Variants in SH2D6 observed in about 807,000 individuals in gnomAD.
The protein encoded by SH2D6 is SH2 domain-containing protein 6.
In SH2D6, 31 loss-of-function variants were observed where a neutral mutation model predicts 30.2. The observed-to-expected ratio is 1.03, with a 90% confidence interval of 0.77 to 1.38. The LOEUF is 1.38. Among genes scored for constraint, SH2D6 ranks in the 40% most tolerant of loss-of-function variants. The probability of loss-of-function intolerance (pLI) is 0.00; values close to 1 mark genes in which losing one functional copy is unlikely to be tolerated. For synonymous variants in SH2D6, 93 were observed against 104.6 expected (o/e 0.89, Z 0.68); for missense variants, 240 against 266.8 (o/e 0.90, Z 0.70).
chr2:85,428,030 T>G (rs1688212629), intron 6 of SH2D6, among the ~76,000 whole-genome samples: 1 of 152,176 alleles, frequency 6.6e-6, no homozygotes, highest in Non-Finnish European at 1.5e-5. Context: ...GCCTTAGAAG[T>G]TCTCATGTCA....
intron 19 of SH2D6, 120 bp downstream of exon 19, chr2:85,434,617 TAAAAAA>T: frequency 2.0e-6 from 2 of 996,778 alleles, no homozygotes; most frequent in East Asian, 2.9e-5. Context: ...TGACTAGACT[TAAAAAA>T]AAAAAAAAAA....
At position 85,435,672 on chromosome 2, in the gene SH2D6, G is replaced by A. The variant is rs756632702; in HGVS notation, c.739G>A (p.Ala247Thr). The change falls in exon 22 of 24, where the codon GCC becomes ACC. Residue 247 changes from alanine (A) to threonine (T), a missense_variant. Physicochemically the swap from Ala to Thr is moderately conservative, Grantham distance 58. Coordinates refer to ENST00000469800, the MANE Select transcript of SH2D6 (RefSeq NM_001394463.1). ...GCTGGGGTCTCCTCCACAGGATGGG[G>A]CCTATACCGTGCGCCCCAGCTCAGG... ...SALLHLQKDG[A>T]YTVRPSSGPH... The A allele has an allele frequency of 6.2e-7, 1 of 1,607,510 alleles. No individual in the cohort carries two copies. Among genetic ancestry groups the A allele is most frequent in the Admixed American group, 1.7e-5 (1 of 59,376 alleles).
chr2:85,421,425 A>G (rs1687745771), intron 2 of SH2D6: 1 of 152,282 alleles, frequency 6.6e-6, no homozygotes, highest in Non-Finnish European at 1.5e-5. Flanking sequence ...AATGGGCAAG[A>G]CACGGGCCTT....
At position 85,419,641 on chromosome 2, in the gene SH2D6, C is replaced by T. The variant is rs1016655213; in HGVS notation, c.-577+397C>T. Among the ~76,000 whole-genome samples the T allele has an allele frequency of 2.0e-5, 3 of 152,348 alleles. No homozygotes were observed. The South Asian group carries it at 6.2e-4, about 32-fold the overall frequency. On this transcript the variant is annotated intron_variant, in intron 2 of 23. Transcript: ENST00000469800. ...TTTCTGTCTCCAACTCCATTTTCAG[C>T]TTTTACACTTCCTGATCTGGGCATA...
intron 23 of SH2D6, 38 bp from the exon 24 acceptor site, chr2:85,436,799 T>A: frequency 1.9e-6 from 1 of 531,018 alleles, no homozygotes; most frequent in Non-Finnish European, 3.4e-6. Context: ...CCCTCTCTGT[T>A]GCCTCTCCAA....
chr2:85,431,213 A>C lies in SH2D6; in HGVS notation c.254A>C (p.His85Pro), dbSNP rs1006551595. The change falls in exon 13 of 24, where the codon CAC becomes CCC. Residue 85 changes from histidine (H) to proline (P), a missense_variant. Physicochemically the swap from His to Pro is moderately conservative, Grantham distance 77. Coordinates refer to ENST00000469800, the MANE Select transcript of SH2D6 (RefSeq NM_001394463.1). ...GTEEDSLYLDHSGPLGPSKPS... is the reference protein window; with the variant it reads ...GTEEDSLYLDPSGPLGPSKPS... ...CAACAAATGCGATCTTTTCCAGATC[A>C]CTCTGGCCCCCTGGGTCCATCAAAG... is the stretch of plus-strand genomic sequence containing the variant. The C allele has an allele frequency of 6.6e-6, 1 of 152,450 alleles. No individual in the cohort carries two copies. The highest frequency in any genetic ancestry group is 1.5e-5 in the Non-Finnish European group (1 of 68,030). The allele number at this position is 152,450 out of a possible 1,614,324, so 9.4% of individuals were successfully genotyped here.
chr2:85,422,347 A>C (rs550221717), intron 3 of SH2D6, 33 bp downstream of exon 3: 1 of 152,282 alleles, frequency 6.6e-6, no homozygotes, highest in Non-Finnish European at 1.5e-5. Flanking sequence ...AAATTAAAAA[A>C]ATTAAAAAGA....
intron 5 of SH2D6, among the ~76,000 whole-genome samples, chr2:85,424,831 G>C (rs899306944): frequency 1.1e-4 from 16 of 152,086 alleles, no homozygotes; most frequent in African/African-American, 3.6e-4. Flanking sequence ...ACTTTGGGAG[G>C]CCGAGGCAGG....
At position 85,435,810 on chromosome 2, in the gene SH2D6, A is replaced by G; in HGVS notation, c.877A>G (p.Arg293Gly). ...CCACTATGCCCTGGGCCGGGAGGGC[A>G]GGAACCGTGAGGAGGTGGGAGCTGG... ...GRHYALGREG[R>G]NREELFSSVA... The change falls in exon 22 of 24, where the codon AGG (arginine) becomes GGG (glycine). Residue 293 changes from arginine (R) to glycine (G), a missense_variant. Arg to Gly is a moderately radical substitution (Grantham distance 125, BLOSUM62 -2). Transcript: ENST00000469800. 2 of 1,591,792 alleles carry G rather than the reference A, an allele frequency of 1.3e-6. No individual in the cohort carries two copies. Among genetic ancestry groups the G allele is most frequent in the Non-Finnish European group, 8.6e-7 (1 of 1,169,088 alleles).
At chr2:85,427,144 C>A (rs1418181282) in intron 6 of SH2D6, among the ~76,000 whole-genome samples, 1 of 152,194 alleles carries the variant, frequency 6.6e-6, no homozygotes, top group African/African-American at 2.4e-5. Flanking sequence ...CTACCTTGGG[C>A]CCATGGCCTG....
At chr2:85,432,278 C>T (rs908183398) in intron 14 of SH2D6, among the ~76,000 whole-genome samples, 3 of 147,478 alleles carry the variant, frequency 2.0e-5, no homozygotes, top group African/African-American at 2.5e-5. Context: ...GTCGGAGTCT[C>T]GCTCTGTTAC....
At position 85,435,411 on chromosome 2, in the gene SH2D6, A is replaced by G. The variant is rs1689321830; in HGVS notation, c.649-2A>G. On this transcript the variant is annotated splice_acceptor_variant, in intron 20 of 23. Transcript: ENST00000469800. LOFTEE classifies it high-confidence loss of function. ...TTTCTGAGTGACTGTGTGTATGCAC[A>G]GGACAGTGATCTGCTGACTCAGCCT... is the stretch of plus-strand genomic sequence containing the variant. The G allele has an allele frequency of 6.2e-7, 1 of 1,613,608 alleles. No individual in the cohort carries two copies. Among genetic ancestry groups the G allele is most frequent in the Non-Finnish European group, 8.5e-7 (1 of 1,179,780 alleles).
intron 16 of SH2D6, 122 bp from the exon 17 acceptor site, chr2:85,433,911 T>C (rs902255049): frequency 1.1e-6 from 1 of 907,092 alleles, no homozygotes; most frequent in Non-Finnish European, 1.7e-6. Flanking sequence ...TTGGAAGCAC[T>C]CCCAGAAAGT....
rs1689093295 is a variant in SH2D6 at position 85,434,062 on chromosome 2, C to T, written c.484C>T (p.Gln162Ter). The change falls in exon 17 of 24, where the codon CAA (glutamine) becomes TAA (stop). Residue 162 changes from glutamine to a stop codon, truncating the protein, a stop_gained. Coordinates refer to ENST00000469800, the MANE Select transcript of SH2D6 (RefSeq NM_001394463.1). LOFTEE classifies it high-confidence loss of function. The part of the protein sequence containing the change: ...VLALTQTLSF[Q>*]VLMPSGPLPR... The stretch of plus-strand genomic sequence containing the variant: ...GGCTTTGACTCAGACTCTCAGCTTC[C>T]AAGTCCTGATGCCCTCAGGCCCTCT... 5 of 1,550,492 alleles carry T rather than the reference C, an allele frequency of 3.2e-6. No individual in the cohort carries two copies. In the African/African-American group the frequency reaches 6.8e-5, roughly 21 times the overall value.
At chr2:85,431,563 C>T (rs1573230260) in intron 13 of SH2D6, among the ~76,000 whole-genome samples, 1 of 152,168 alleles carries the variant, frequency 6.6e-6, no homozygotes, top group African/African-American at 2.4e-5. Flanking sequence ...CCCTTGGATT[C>T]TGGGGCCTGA....
At position 85,428,645 on chromosome 2, in the gene SH2D6, A is replaced by G. The variant is rs1164263043; in HGVS notation, c.-147A>G. ...TTTACAAGCCAAGAAGAGAGGCCGC[A>G]TCACAAACCAACCTTTATGGCACCT... On this transcript the variant is annotated 5_prime_UTR_variant, in exon 7 of 24. Transcript: ENST00000469800. The G allele has an allele frequency of 6.6e-6, 1 of 152,238 alleles. No individual in the cohort carries two copies. Among genetic ancestry groups the G allele is most frequent in the Non-Finnish European group, 1.5e-5 (1 of 68,050 alleles). 9.4% of individuals were successfully genotyped at this position (152,238 alleles called of 1,614,324 possible). A position where few individuals can be genotyped will look rare whatever the true frequency, so the allele number is the denominator to read the frequency against.
chr2:85,434,660 C>A, intron 19 of SH2D6, 163 bp downstream of exon 19: 2 of 1,300,294 alleles, frequency 1.5e-6, no homozygotes, highest in East Asian at 2.5e-5. Context: ...GCATCTTCAG[C>A]ATGAATGCAG....
intron 6 of SH2D6, among the ~76,000 whole-genome samples, chr2:85,427,322 G>A (rs1688132870): frequency 6.6e-6 from 1 of 152,230 alleles, no homozygotes; most frequent in African/African-American, 2.4e-5. Context: ...TCTATGGTGT[G>A]CACAGAGCAA....
At chr2:85,420,064 C>T (rs796944102) in intron 2 of SH2D6, among the ~76,000 whole-genome samples, 17 of 152,266 alleles carry the variant, frequency 1.1e-4, no homozygotes, top group African/African-American at 4.1e-4. Context: ...GACTCAGTCC[C>T]TGGACTCTTT....
Sources: allele counts gnomAD v4.1 joint callset (sites outside exome capture counted in the v4.1 genomes callset), GRCh38; gene constraint gnomAD v4.1.1; transcripts MANE v1.5; gene names NCBI Gene and HGNC (gene_info 2026-07-23, HGNC 2026-07-21).